Variants in LUZP2 observed in about 807,000 individuals in gnomAD.
The protein encoded by LUZP2 is leucine zipper protein 2.
Under a neutral mutation model 51.6 loss-of-function variants are expected in LUZP2, and 52 were observed. That is an observed-to-expected ratio of 1.01 (90% CI 0.81 to 1.27). LUZP2 has a LOEUF of 1.27. Among genes scored for constraint, LUZP2 ranks in the 50% most tolerant of loss-of-function variants. The pLI is 0.00. For synonymous variants in LUZP2, 154 were observed against 137.3 expected (o/e 1.12, Z -0.85); for missense variants, 436 against 395.4 (o/e 1.10, Z -0.87).
rs182644164 is a variant in LUZP2, at chr11:24,767,833, C to T, written c.396+4525C>T. On this transcript the variant is annotated intron_variant, in intron 5 of 11. Coordinates refer to ENST00000336930, the MANE Select transcript of LUZP2 (RefSeq NM_001009909.4). ...CAGAAAATAAATCAAAACAAGGAAA[C>T]GAATGAAAAATTCAACCTCCCTTCT... 1.8e-3 allele frequency among the ~76,000 whole-genome samples: 273 copies of T among 152,214 alleles called. 3 individuals carry two copies. Among genetic ancestry groups the T allele is most frequent in the African/African-American group, 6.0e-3 (248 of 41,530 alleles).
At chr11:24,917,041 T>C (rs1459854928) in intron 7 of LUZP2, among the ~76,000 whole-genome samples, 1 of 152,140 alleles carries the variant, frequency 6.6e-6, no homozygotes, top group Non-Finnish European at 1.5e-5. Flanking sequence ...TGGTGTGAGA[T>C]GCTATCTCAT....
At position 24,533,028 on chromosome 11, in the gene LUZP2, T is replaced by C. The variant is rs566994570; in HGVS notation, c.62+35723T>C. On this transcript the variant is annotated intron_variant, in intron 1 of 11. Transcript: ENST00000336930. ...TGTTCTTTATATCTAACTTGAAAAA[T>C]ACTAACATCACCAGACAGAAAAGAC... Among the ~76,000 whole-genome samples, 48 of 151,294 alleles carry C rather than the reference T, an allele frequency of 3.2e-4. No individual in the cohort carries two copies. In the South Asian group the frequency reaches 1.0e-2, roughly 31 times the overall value.
At chr11:24,778,572 C>A (rs1207399992) in intron 5 of LUZP2, among the ~76,000 whole-genome samples, 1 of 152,076 alleles carries the variant, frequency 6.6e-6, no homozygotes, top group East Asian at 1.9e-4. Flanking sequence ...TACTTTACTC[C>A]TGGTTACTGC....
intron 9 of LUZP2, among the ~76,000 whole-genome samples, chr11:25,000,364 A>G (rs1048726720): frequency 5.1e-4 from 77 of 152,106 alleles, no homozygotes; most frequent in African/African-American, 1.9e-3. Flanking sequence ...CCTGCTGGAT[A>G]GGGGCAAAGA....
intron 10 of LUZP2, among the ~76,000 whole-genome samples, chr11:25,056,387 A>G (rs1565290764): frequency 6.6e-6 from 1 of 152,090 alleles, no homozygotes; most frequent in Non-Finnish European, 1.5e-5. Context: ...CAATTTCAGG[A>G]TTCTATAATT....
intron 1 of LUZP2, among the ~76,000 whole-genome samples, chr11:24,599,155 A>T (rs1242869698): frequency 6.6e-6 from 1 of 152,128 alleles, no homozygotes; most frequent in African/African-American, 2.4e-5. Flanking sequence ...CGTGATGAAG[A>T]CATGAAGATA....
intron 5 of LUZP2, among the ~76,000 whole-genome samples, chr11:24,826,195 A>ATATATG (rs1850535237): frequency 7.4e-6 from 1 of 134,778 alleles, no homozygotes; most frequent in Non-Finnish European, 1.6e-5. Flanking sequence ...AAAAAAATAT[A>ATATATG]TATATATATA....
intron 6 of LUZP2, among the ~76,000 whole-genome samples, chr11:24,913,653 A>G (rs902244683): frequency 6.9e-6 from 1 of 144,110 alleles, no homozygotes; most frequent in Non-Finnish European, 1.5e-5. Flanking sequence ...TCATGTGATC[A>G]TGCTAATCTA....
chr11:25,028,188 T>G (rs1857550651), intron 9 of LUZP2, among the ~76,000 whole-genome samples: 2 of 152,206 alleles, frequency 1.3e-5, no homozygotes, highest in African/African-American at 4.8e-5. Flanking sequence ...TTCAAGCATT[T>G]ATCCTTTCTT....
intron 1 of LUZP2, among the ~76,000 whole-genome samples, chr11:24,668,907 C>A (rs915056706): frequency 1.2e-4 from 19 of 152,058 alleles, no homozygotes; most frequent in Non-Finnish European, 2.2e-4. Context: ...TTATTACATA[C>A]CATTTTCCAA....
chr11:24,632,657 A>G (rs1405445475), intron 1 of LUZP2, among the ~76,000 whole-genome samples: 1 of 152,066 alleles, frequency 6.6e-6, no homozygotes, highest in Non-Finnish European at 1.5e-5. Flanking sequence ...AACATTTAAA[A>G]TAGACGTGCT....
intron 1 of LUZP2, among the ~76,000 whole-genome samples, chr11:24,685,643 A>G (rs1856874661): frequency 6.6e-6 from 1 of 152,026 alleles, no homozygotes; most frequent in Non-Finnish European, 1.5e-5. Flanking sequence ...TACTCATTCC[A>G]CTCCTGCAGC....
intron 10 of LUZP2, among the ~76,000 whole-genome samples, chr11:25,051,378 T>G (rs1858507706): frequency 6.6e-6 from 1 of 152,206 alleles, no homozygotes; most frequent in South Asian, 2.1e-4. Flanking sequence ...TTTGTTTATT[T>G]AAACATGTAT....
intron 9 of LUZP2, among the ~76,000 whole-genome samples, chr11:25,007,750 A>G (rs1469553267): frequency 1.3e-5 from 2 of 152,210 alleles, no homozygotes; most frequent in Admixed American, 1.3e-4. Context: ...ATTAGGAGGA[A>G]GGGCAATGTT....
chr11:24,816,854 T>C (rs566371240), intron 5 of LUZP2, among the ~76,000 whole-genome samples: 1 of 152,218 alleles, frequency 6.6e-6, no homozygotes, highest in African/African-American at 2.4e-5. Context: ...ACATTCTTTT[T>C]CTGGGCGGTA....
intron 1 of LUZP2, among the ~76,000 whole-genome samples, chr11:24,682,929 A>T (rs1231369190): frequency 6.6e-6 from 1 of 151,820 alleles, no homozygotes; most frequent in Non-Finnish European, 1.5e-5. Flanking sequence ...ACTTGAACTC[A>T]GGAGGCAGAG....
chr11:24,802,591 T>C (rs1662173590), intron 5 of LUZP2, among the ~76,000 whole-genome samples: 1 of 152,036 alleles, frequency 6.6e-6, no homozygotes, highest in African/African-American at 2.4e-5. Context: ...CAACCATTCA[T>C]TTTCATCATT....
At chr11:24,629,503 A>C (rs147787085) in intron 1 of LUZP2, among the ~76,000 whole-genome samples, 11 of 147,254 alleles carry the variant, frequency 7.5e-5, no homozygotes, top group Non-Finnish European at 1.2e-4. Context: ...TATATATATT[A>C]CATATATATT....
intron 1 of LUZP2, among the ~76,000 whole-genome samples, chr11:24,533,065 A>G (rs975147527): frequency 2.0e-5 from 3 of 151,290 alleles, no homozygotes; most frequent in Admixed American, 6.6e-5. Flanking sequence ...GTGCTGTATA[A>G]TCAGAGCTTT....
Sources: gnomAD v4.1 joint callset for allele counts (sites outside exome capture counted in the v4.1 genomes callset) on GRCh38, gnomAD v4.1.1 for gene constraint, MANE v1.5 for transcripts, NCBI Gene and HGNC (gene_info 2026-07-23, HGNC 2026-07-21) for gene names.